The following SEMA4F variants were observed in gnomAD, a reference collection of about 807,000 sequenced individuals.
The protein encoded by SEMA4F is ssemaphorin 4F, also known as semaphorin-4F.
In SEMA4F, 51 loss-of-function variants were observed where a neutral mutation model predicts 78.4. That is an observed-to-expected ratio of 0.65 (90% CI 0.52 to 0.82). The LOEUF is 0.82. SEMA4F is among the 40% of genes least tolerant of loss of function. The pLI, the probability that SEMA4F is intolerant of heterozygous loss-of-function variation, is 0.00. For synonymous variants in SEMA4F, 418 were observed against 408.7 expected, an observed-to-expected ratio of 1.02 and a Z score of -0.27; for missense variants, 938 against 1,014.4, an observed-to-expected ratio of 0.92 and a Z score of 1.02.
the SEMA4F span, among the ~76,000 whole-genome samples, chr2:74,700,277 A>G: frequency 1.3e-5 from 2 of 152,122 alleles, no homozygotes; most frequent in African/African-American, 4.8e-5. Context: ...TTTTGCCTTG[A>G]CGTAGTAGAT....
At position 74,673,548 on chromosome 2, in the gene SEMA4F, G is replaced by A. The variant is rs146486166; in HGVS notation, c.642G>A (p.Arg214=). ...RAVGRAEDWI[R]TDTLPSWLNA... ...TGGGTCGTGCCGAGGACTGGATTCGGACAGATACCTTGCCTTCCTGGCTGA... is the reference window on the plus strand; with the variant it reads ...TGGGTCGTGCCGAGGACTGGATTCGAACAGATACCTTGCCTTCCTGGCTGA... Residue 214 remains arginine, a synonymous_variant, in exon 6 of 14, where the codon CGG becomes CGA. Coordinates refer to ENST00000357877, the MANE Select transcript of SEMA4F (RefSeq NM_004263.5). The A allele has an allele frequency of 6.2e-6, 10 of 1,614,030 alleles. No homozygotes were observed. In the African/African-American group the frequency reaches 1.1e-4, roughly 17 times the overall value.
chr2:74,697,738 G>C, the SEMA4F span, among the ~76,000 whole-genome samples: 1 of 152,150 alleles, frequency 6.6e-6, no homozygotes, highest in Non-Finnish European at 1.5e-5. Flanking sequence ...GTTCAACTTT[G>C]ATCCCTAGTT....
At chr2:74,679,470 C>T in intron 13 of SEMA4F, 129 bp from the exon 14 acceptor site, 1 of 1,487,410 alleles carries the variant, frequency 6.7e-7, no homozygotes, top group Non-Finnish European at 9.2e-7. Context: ...GCCTTAGCCT[C>T]TTTAGGAATC....
intron 12 of SEMA4F, among the ~76,000 whole-genome samples, chr2:74,676,357 ACT>A (rs1174889349): frequency 3.3e-5 from 5 of 151,782 alleles, no homozygotes; most frequent in Non-Finnish European, 5.9e-5. Context: ...ACGTTCATGC[ACT>A]CTCTAGGCAG....
chr2:74,654,637 C>A (rs1684023114), intron 1 of SEMA4F, 116 bp downstream of exon 1: 1 of 824,654 alleles, frequency 1.2e-6, no homozygotes, highest in Non-Finnish European at 1.8e-6. Context: ...TATGGCGTTT[C>A]ACGCCGCCCA....
At chr2:74,679,190 T>C (rs1056342574) in intron 12 of SEMA4F, 86 bp from the exon 13 acceptor site, 14 of 1,014,066 alleles carry the variant, frequency 1.4e-5, no homozygotes, top group South Asian at 1.0e-4. Context: ...ATGGGAGATA[T>C]ATTGAATGAG....
Position 74,675,611 on chromosome 2 carries a change from GT to G in SEMA4F, c.1461del (p.Glu488ArgfsTer3). 1 of 1,614,182 alleles carries G rather than the reference GT, an allele frequency of 6.2e-7. No individual in the cohort carries two copies. Among genetic ancestry groups the G allele is most frequent in the Non-Finnish European group, 8.5e-7 (1 of 1,180,006 alleles). ...DLALFPEPQP[V>X]ENMKLYHSWL... is the part of the protein sequence containing the mutation. ...GGCCTTATTCCCAGAGCCACAGCCA[GT>G]TGAGAACATGAAATTGTACCACGTG... On this transcript the variant is annotated frameshift_variant, in exon 11 of 14. Transcript: ENST00000357877. LOFTEE classifies it high-confidence loss of function.
downstream of SEMA4F, chr2:74,683,859 T>C (rs193248649): frequency 2.0e-5 from 3 of 152,264 alleles, no homozygotes; most frequent in African/African-American, 7.2e-5. Flanking sequence ...TACCTATGAG[T>C]TTGTGGAGAA....
At chr2:74,666,116 C>G (rs902540519) in intron 5 of SEMA4F, among the ~76,000 whole-genome samples, 2 of 152,148 alleles carry the variant, frequency 1.3e-5, no homozygotes, top group Non-Finnish European at 2.9e-5. Flanking sequence ...CCATGTTGAT[C>G]AGGCTGGTCT....
intron 10 of SEMA4F, 33 bp downstream of exon 10, chr2:74,675,417 A>G: frequency 6.2e-7 from 1 of 1,603,318 alleles, no homozygotes; most frequent in Non-Finnish European, 8.5e-7. Flanking sequence ...CTGCCTACCT[A>G]GTGCATACAC....
intron 4 of SEMA4F, among the ~76,000 whole-genome samples, chr2:74,660,761 G>A (rs1407539532): frequency 6.6e-6 from 1 of 152,198 alleles, no homozygotes; most frequent in Non-Finnish European, 1.5e-5. Context: ...ATGCTGCTGG[G>A]GAAAACTGAA....
Position 74,658,045 on chromosome 2 carries a change from G to A in SEMA4F, c.456+94G>A. The A allele has an allele frequency of 8.7e-7, 1 of 1,153,358 alleles. No homozygotes were observed. Among genetic ancestry groups the A allele is most frequent in the Non-Finnish European group, 1.3e-6 (1 of 770,618 alleles). The allele number at this position is 1,153,358 out of a possible 1,614,324, so 71.4% of individuals were successfully genotyped here. A position where few individuals can be genotyped will look rare whatever the true frequency, so the allele number is the denominator to read the frequency against. The stretch of plus-strand genomic sequence containing the variant: ...GGAGGATGGGAAGGGTTTTCTGTGA[G>A]CGACCATGATGGGGGCATGGTCAAG... On this transcript the variant is annotated intron_variant, in intron 4 of 13. Coordinates refer to ENST00000357877, the MANE Select transcript of SEMA4F (RefSeq NM_004263.5). This position sits in a 1 kb window ranked among gnomAD's most constrained non-coding sequence, Gnocchi z 4.3.
intron 5 of SEMA4F, 64 bp downstream of exon 5, chr2:74,662,889 T>G: frequency 7.4e-7 from 1 of 1,346,996 alleles, no homozygotes; most frequent in Non-Finnish European, 1.1e-6. Flanking sequence ...ACCCTTGCTG[T>G]TAGAATTTCT....
the SEMA4F span, among the ~76,000 whole-genome samples, chr2:74,697,467 A>G: frequency 6.6e-6 from 1 of 152,184 alleles, no homozygotes; most frequent in African/African-American, 2.4e-5. Context: ...GGGGGCAGAT[A>G]TGACTTCCGC....
chr2:74,688,522 A>G (rs1179580343), downstream of SEMA4F, among the ~76,000 whole-genome samples: 1 of 152,238 alleles, frequency 6.6e-6, no homozygotes, highest in Non-Finnish European at 1.5e-5. Flanking sequence ...AAACAGGAAA[A>G]TGAAATAATA....
chr2:74,700,332 TCTGAGAA>T, the SEMA4F span, among the ~76,000 whole-genome samples: 1 of 151,860 alleles, frequency 6.6e-6, no homozygotes, highest in Non-Finnish European at 1.5e-5. Flanking sequence ...AGAGTAAGGG[TCTGAGAA>T]TAAATGCCAC....
At chr2:74,704,165 A>G in the SEMA4F span, among the ~76,000 whole-genome samples, 5 of 152,092 alleles carry the variant, frequency 3.3e-5, no homozygotes, top group South Asian at 1.0e-3. Context: ...TTTTTCTAAC[A>G]AAGTAGATGT....
At chr2:74,657,781 C>G (rs1684229590) in intron 3 of SEMA4F, 72 bp from the exon 4 acceptor site, 1 of 1,466,894 alleles carries the variant, frequency 6.8e-7, no homozygotes, top group Admixed American at 1.7e-5. Flanking sequence ...CTGCATCTAA[C>G]TGTCCTGACG....
At chr2:74,667,605 C>T (rs751183017) in intron 5 of SEMA4F, among the ~76,000 whole-genome samples, 4 of 152,290 alleles carry the variant, frequency 2.6e-5, no homozygotes, top group Admixed American at 6.5e-5. Flanking sequence ...TTTTCAAATA[C>T]GAAGTTTATC....
Sources: gnomAD v4.1 joint callset for allele counts (sites outside exome capture counted in the v4.1 genomes callset) on GRCh38, gnomAD v4.1.1 for gene constraint, Gnocchi (gnomAD v3.1) non-coding constraint, MANE v1.5 for transcripts, NCBI Gene and HGNC (gene_info 2026-07-23, HGNC 2026-07-21) for gene names.